Variants in FGD3 observed in about 807,000 individuals in gnomAD.
The protein encoded by FGD3 is FYVE, RhoGEF and PH domain containing 3.
FGD3 carries 45 observed loss-of-function variants against 71.8 expected under a neutral mutation model. That is an observed-to-expected ratio of 0.63 (90% CI 0.49 to 0.80). FGD3 has a LOEUF of 0.80. FGD3 is among the 30% of genes least tolerant of loss of function. The pLI, the probability that FGD3 is intolerant of heterozygous loss-of-function variation, is 0.00. For missense variants in FGD3, 844 were observed against 951.5 expected (o/e 0.89, Z 1.49); for synonymous variants, 378 against 392.8 (o/e 0.96, Z 0.44).
chr9:93,011,067 C>T, intron 7 of FGD3, 147 bp from the exon 8 acceptor site: 1 of 786,146 alleles, frequency 1.3e-6, no homozygotes, highest in African/African-American at 1.7e-5. Flanking sequence ...TTCCTCTGGG[C>T]CAGTCCTCTA....
chr9:92,953,089 G>A (rs1858985816), intron 1 of FGD3, among the ~76,000 whole-genome samples: 1 of 152,204 alleles, frequency 6.6e-6, no homozygotes. Context: ...GGTTGACGCT[G>A]TGCAGCTGCC....
chr9:93,035,031 C>T (rs1047779653), intron 17 of FGD3, among the ~76,000 whole-genome samples: 2 of 152,176 alleles, frequency 1.3e-5, no homozygotes, highest in South Asian at 2.1e-4. Flanking sequence ...CAGGGGCTGG[C>T]CTGTCCTGCC....
intron 1 of FGD3, among the ~76,000 whole-genome samples, chr9:92,968,607 CTTTT>C (rs55908030): frequency 7.0e-6 from 1 of 143,032 alleles, no homozygotes; most frequent in African/African-American, 2.6e-5. Flanking sequence ...TTCTTTCTTT[CTTTT>C]TTTTTTTTTT....
rs932894955 is a variant in FGD3 at position 93,018,341 on chromosome 9, C to T, written c.1355+126C>T. The T allele has an allele frequency of 5.9e-6, 5 of 849,154 alleles. No homozygotes were observed. In the African/African-American group the frequency reaches 6.9e-5, roughly 12 times the overall value. 52.6% of individuals were successfully genotyped at this position (849,154 alleles called of 1,614,324 possible). On this transcript the variant is annotated intron_variant, in intron 11 of 17. Coordinates refer to ENST00000375482, the MANE Select transcript of FGD3 (RefSeq NM_001083536.2). ...ATTTAAAAGTACTGTTACTGAAGCA[C>T]CAGGGTTCCGTCTATGTCCTGCGCT...
Position 93,030,435 on chromosome 9 carries a change from G to A in FGD3, c.1680+439G>A, listed in dbSNP as rs142385876. 9.5e-4 allele frequency among the ~76,000 whole-genome samples: 144 copies of A among 152,280 alleles called. 1 individual carries two copies. Among genetic ancestry groups the A allele is most frequent in the Non-Finnish European group, 1.7e-3 (114 of 68,034 alleles). ...GCCCATGTGATGAGGCAATGCCTCC[G>A]ACTGGCGCCCCAGCTGCACACCATC... On this transcript the variant is annotated intron_variant, in intron 15 of 17. Coordinates refer to ENST00000375482, the MANE Select transcript of FGD3 (RefSeq NM_001083536.2).
chr9:92,952,095 C>G lies in FGD3; in HGVS notation c.-218+4366C>G, dbSNP rs180726863. Among the ~76,000 whole-genome samples, 6 of 152,306 alleles carry G rather than the reference C, an allele frequency of 3.9e-5. No individual in the cohort carries two copies. In the East Asian group the frequency reaches 1.2e-3, roughly 29 times the overall value. ...GTGGCCCTAATTCATCCATTAGAGA[C>G]CACACTTGACTCCCCAAGGGCTTCT... On this transcript the variant is annotated intron_variant, in intron 1 of 17. Coordinates refer to ENST00000375482, the MANE Select transcript of FGD3 (RefSeq NM_001083536.2).
chr9:92,955,164 A>G (rs2118501436), intron 1 of FGD3, among the ~76,000 whole-genome samples: 1 of 152,312 alleles, frequency 6.6e-6, no homozygotes, highest in Non-Finnish European at 1.5e-5. Context: ...GCCAGGTTCC[A>G]GCCGGGCCAA....
intron 1 of FGD3, among the ~76,000 whole-genome samples, chr9:92,953,759 T>C (rs1388222940): frequency 1.3e-5 from 2 of 152,224 alleles, no homozygotes; most frequent in Non-Finnish European, 2.9e-5. Flanking sequence ...TTGGACCAAA[T>C]GTAATTTCAA....
chr9:92,969,374 T>C lies in FGD3; in HGVS notation c.-217-5864T>C, dbSNP rs1859451859. On this transcript the variant is annotated intron_variant, in intron 1 of 17. Coordinates refer to ENST00000375482, the MANE Select transcript of FGD3 (RefSeq NM_001083536.2). The surrounding 1 kb of genome is among the most constrained non-coding windows in gnomAD (Gnocchi z 4.5). ...CCCAGAGCTGTCTTCCCTCCTGACC[T>C]GGCCTCCCACATGCTGCCCTCTCTA... 1.3e-5 allele frequency among the ~76,000 whole-genome samples: 2 copies of C among 152,232 alleles called. No individual in the cohort carries two copies. The highest frequency in any genetic ancestry group is 4.1e-4 in the South Asian group (2 of 4,834).
chr9:93,006,948 C>T (rs534268204), intron 6 of FGD3, among the ~76,000 whole-genome samples: 58 of 151,492 alleles, frequency 3.8e-4, no homozygotes, highest in Non-Finnish European at 7.4e-4. Flanking sequence ...AGGATGGTCT[C>T]GATCTCCTGA....
chr9:93,013,263 AG>A (rs1379259626), intron 8 of FGD3, among the ~76,000 whole-genome samples: 1 of 152,242 alleles, frequency 6.6e-6, no homozygotes, highest in Non-Finnish European at 1.5e-5. Context: ...GAGATCACTC[AG>A]GTCCAAGGAC....
chr9:93,007,844 T>C (rs2118722167), intron 6 of FGD3, among the ~76,000 whole-genome samples: 1 of 152,274 alleles, frequency 6.6e-6, no homozygotes, highest in Non-Finnish European at 1.5e-5. Context: ...GCACCCAGCA[T>C]CTGGTGGGTG....
chr9:93,012,442 A>G (rs891424956), intron 8 of FGD3, among the ~76,000 whole-genome samples: 1 of 152,074 alleles, frequency 6.6e-6, no homozygotes, highest in Admixed American at 6.5e-5. Context: ...ATGTGTTACC[A>G]TGGAACTCAG....
intron 1 of FGD3, among the ~76,000 whole-genome samples, chr9:92,960,033 T>C (rs994305016): frequency 1.3e-5 from 2 of 151,988 alleles, no homozygotes; most frequent in African/African-American, 4.8e-5. Flanking sequence ...TGTGTTCCCA[T>C]GTCTCCATAT....
intron 3 of FGD3, among the ~76,000 whole-genome samples, chr9:92,991,037 C>T (rs10992568): frequency 0.14 from 21,395 of 152,056 alleles, 1,891 homozygotes; most frequent in African/African-American, 0.24. Context: ...GGTGAACCCA[C>T]TGGGTCCTGG....
chr9:92,971,081 C>A (rs1859512044), intron 1 of FGD3, among the ~76,000 whole-genome samples: 1 of 152,214 alleles, frequency 6.6e-6, no homozygotes, highest in Non-Finnish European at 1.5e-5. Flanking sequence ...GTTGCCCCCA[C>A]CAAGGGCACC....
intron 1 of FGD3, among the ~76,000 whole-genome samples, chr9:92,962,762 A>T (rs1340587208): frequency 6.6e-6 from 1 of 152,132 alleles, no homozygotes; most frequent in Non-Finnish European, 1.5e-5. Context: ...TAACATGGTG[A>T]AACCCAGTCT....
At chr9:92,991,318 G>C (rs1397098209) in intron 3 of FGD3, among the ~76,000 whole-genome samples, 4 of 152,082 alleles carry the variant, frequency 2.6e-5, no homozygotes, top group Admixed American at 2.6e-4. Context: ...GGCTCAAGCA[G>C]TATGCCAGCC....
rs927904227 is a variant in FGD3, at chr9:92,968,193, C to G, written c.-217-7045C>G. 2.0e-5 allele frequency among the ~76,000 whole-genome samples: 3 copies of G among 152,268 alleles called. No individual in the cohort carries two copies. In the South Asian group the frequency reaches 6.2e-4, roughly 32 times the overall value. The stretch of plus-strand genomic sequence containing the variant: ...GATTCCAGGCTGTCCAGCCTCTTCT[C>G]CCAGTCCACAGTCACAGCGTCATGC... On this transcript the variant is annotated intron_variant, in intron 1 of 17. Coordinates refer to ENST00000375482, the MANE Select transcript of FGD3 (RefSeq NM_001083536.2).
Sources: allele counts gnomAD v4.1 joint callset (sites outside exome capture counted in the v4.1 genomes callset), GRCh38; gene constraint gnomAD v4.1.1; non-coding constraint Gnocchi (gnomAD v3.1); transcripts MANE v1.5; gene names NCBI Gene and HGNC (gene_info 2026-07-23, HGNC 2026-07-21).